Variants in DDX17 observed in about 807,000 individuals in gnomAD.
DDX17 encodes the protein DEAD-box helicase 17.
A neutral mutation model predicts 80.8 loss-of-function variants in DDX17; 10 were observed. That is an observed-to-expected ratio of 0.12 (90% confidence interval 0.08 to 0.21). The LOEUF is 0.21. DDX17 is among the 10% of genes least tolerant of loss of function. The probability of loss-of-function intolerance (pLI) is 1.00; values close to 1 mark genes in which losing one functional copy is unlikely to be tolerated. For synonymous variants in DDX17, 339 were observed against 336.2 expected (o/e 1.01, Z -0.09); for missense variants, 586 against 957.4 (o/e 0.61, Z 5.12).
In DDX17 at chr22:38,483,657, C is replaced by T. The variant is rs760834226; in HGVS notation, c.*2278G>A. ...ACTGATCCCAAGCAAAAGCCACTAA[C>T]CTTTTAGATGAGAAGTCCACACAAC... On this transcript the variant is annotated 3_prime_UTR_variant, in exon 13 of 13. Transcript: ENST00000403230. 9.2e-5 allele frequency: 14 copies of T among 152,696 alleles called. No individual in the cohort carries two copies. Among genetic ancestry groups the T allele is most frequent in the Admixed American group, 7.2e-4 (11 of 15,284 alleles). The allele number at this position is 152,696 out of a possible 1,614,324, so 9.5% of individuals were successfully genotyped here.
Position 38,494,006 on chromosome 22 carries a change from T to C in DDX17, c.1325+15A>G. 1 of 1,582,188 alleles carries C rather than the reference T, an allele frequency of 6.3e-7. No homozygotes were observed. Among genetic ancestry groups the C allele is most frequent in the African/African-American group, 1.4e-5 (1 of 73,828 alleles). On this transcript the variant is annotated intron_variant, in intron 9 of 12. Coordinates refer to ENST00000403230, the MANE Select transcript of DDX17 (RefSeq NM_006386.5). ...CTATAAAACCAGAGGTTAATTGCCT[T>C]GGTGCTATACTCACCCATCTCTGCG...
At chr22:38,495,750 GTAAAGTAAGA>G in intron 6 of DDX17, 36 bp downstream of exon 6, 3 of 1,404,690 alleles carry the variant, frequency 2.1e-6, no homozygotes, top group Non-Finnish European at 2.8e-6. Flanking sequence ...ACAGGAATTG[GTAAAGTAAGA>G]TAAACTAACA....
intron 11 of DDX17, chr22:38,490,211 C>A (rs1478688578): frequency 1.7e-6 from 2 of 1,206,896 alleles, no homozygotes; most frequent in African/African-American, 3.2e-5. Flanking sequence ...ATCTTGCTGC[C>A]TTTCTAGAAG....
At chr22:38,495,346 C>A (rs566456470) in intron 6 of DDX17, among the ~76,000 whole-genome samples, 2 of 149,808 alleles carry the variant, frequency 1.3e-5, no homozygotes, top group Admixed American at 1.3e-4. Flanking sequence ...CCCAGGTTCA[C>A]GCCATTCTCC....
At chr22:38,492,714 A>T (rs1421030378) in intron 10 of DDX17, among the ~76,000 whole-genome samples, 1 of 152,042 alleles carries the variant, frequency 6.6e-6, no homozygotes, top group African/African-American at 2.4e-5. Context: ...TCGAACTCCC[A>T]ACCTCAGGTG....
Position 38,485,192 on chromosome 22 carries a change from T to A in DDX17, c.*743A>T, listed in dbSNP as rs2145680827. The A allele has an allele frequency of 6.6e-6, 1 of 152,270 alleles. No individual in the cohort carries two copies. Among genetic ancestry groups the A allele is most frequent in the Middle Eastern group, 3.4e-3 (1 of 294 alleles). The allele number at this position is 152,270 out of a possible 1,614,324, so 9.4% of individuals were successfully genotyped here. On this transcript the variant is annotated 3_prime_UTR_variant, in exon 13 of 13. Transcript: ENST00000403230. Reference sequence around the variant, plus strand: ...ACCCAGATGCTGAGATGCTACAGTTTAACCACTACAATAAACACTTGTGGT... The same window carrying A: ...ACCCAGATGCTGAGATGCTACAGTTAAACCACTACAATAAACACTTGTGGT...
intron 2 of DDX17, 22 bp from the exon 3 acceptor site, chr22:38,499,521 A>C (rs1355815187): frequency 7.7e-7 from 1 of 1,297,086 alleles, no homozygotes; most frequent in East Asian, 2.4e-5. Context: ...AAATGAAAGA[A>C]GTTAGTAAAC....
chr22:38,493,880 T>G (rs767617150), intron 9 of DDX17, 109 bp from the exon 10 acceptor site: 26 of 1,264,224 alleles, frequency 2.1e-5, no homozygotes, highest in Non-Finnish European at 2.6e-5. Context: ...TCAGGCTTCA[T>G]GAATAGATGA....
Position 38,487,982 on chromosome 22 carries a change from T to C in DDX17, c.1581A>G (p.Leu527=), listed in dbSNP as rs369638680. Residue 527 remains leucine (L), a synonymous_variant, in exon 12 of 13, where the codon CTA becomes CTG. Coordinates refer to ENST00000403230, the MANE Select transcript of DDX17 (RefSeq NM_006386.5). ...CTTTGATAAGCTCTCTGGCCTGTTT[T>C]AGGTTCCCTGGGGTGAAGAAGGTAT... 1 of 1,614,222 alleles carries C rather than the reference T, an allele frequency of 6.2e-7. No individual in the cohort carries two copies. The highest frequency in any genetic ancestry group is 8.5e-7 in the Non-Finnish European group (1 of 1,180,034).
chr22:38,496,590 T>C (rs1405573374), intron 5 of DDX17, among the ~76,000 whole-genome samples: 1 of 152,176 alleles, frequency 6.6e-6, no homozygotes, highest in Non-Finnish European at 1.5e-5. Context: ...CTTCATGTGA[T>C]CTGCCCACTT....
At chr22:38,500,890 A>G (rs959815035) in intron 2 of DDX17, among the ~76,000 whole-genome samples, 2 of 148,926 alleles carry the variant, frequency 1.3e-5, no homozygotes, top group African/African-American at 2.5e-5. Flanking sequence ...TAGCACTTTG[A>G]AAAGCTGAGG....
chr22:38,501,845 G>A (rs1326740707), intron 1 of DDX17, among the ~76,000 whole-genome samples: 1 of 152,144 alleles, frequency 6.6e-6, no homozygotes, highest in African/African-American at 2.4e-5. Flanking sequence ...TGCTGTGCTG[G>A]AGTTACTAAA....
In DDX17 at chr22:38,489,999, T is replaced by G; in HGVS notation, c.1448-1884A>C. Reference sequence around the variant, plus strand: ...CCTAGCAGAAAGCACCAGGGTGGAGTCAACAGTTCACATGCTAATACTTGG... The same window carrying G: ...CCTAGCAGAAAGCACCAGGGTGGAGGCAACAGTTCACATGCTAATACTTGG... On this transcript the variant is annotated intron_variant, in intron 11 of 12. Transcript: ENST00000403230. This position sits in a 1 kb window ranked among gnomAD's most constrained non-coding sequence, Gnocchi z 4.6. 1 of 1,017,050 alleles carries G rather than the reference T, an allele frequency of 9.8e-7. No homozygotes were observed. The allele number at this position is 1,017,050 out of a possible 1,614,324, so 63.0% of individuals were successfully genotyped here. A position where few individuals can be genotyped will look rare whatever the true frequency, so the allele number is the denominator to read the frequency against.
chr22:38,505,815 C>G (rs2089876267), intron 1 of DDX17, 136 bp downstream of exon 1: 1 of 1,161,342 alleles, frequency 8.6e-7, no homozygotes, highest in South Asian at 1.5e-5. Context: ...CACGAAACCG[C>G]TGTCTCGCCT....
rs1053774939 is a variant in DDX17 at position 38,501,368 on chromosome 22, C to T, written c.288-88G>A. 1.5e-5 allele frequency: 22 copies of T among 1,424,856 alleles called. No individual in the cohort carries two copies. The African/African-American group carries it at 3.2e-4, about 21-fold the overall frequency. 88.3% of individuals were successfully genotyped at this position (1,424,856 alleles called of 1,614,324 possible). Reference sequence around the variant, plus strand: ...AAGAATATTCAAAAAGGATGGAGTTCTAGGGATACTACCAGCCTACCTCCA... The same window carrying T: ...AAGAATATTCAAAAAGGATGGAGTTTTAGGGATACTACCAGCCTACCTCCA... On this transcript the variant is annotated intron_variant, in intron 1 of 12. Transcript: ENST00000403230.
chr22:38,493,863 A>G, intron 9 of DDX17, 92 bp from the exon 10 acceptor site: 1 of 1,359,244 alleles, frequency 7.4e-7, no homozygotes, highest in South Asian at 1.2e-5. Flanking sequence ...AATTTTTGTA[A>G]GGTTTGTCAG....
intron 1 of DDX17, among the ~76,000 whole-genome samples, chr22:38,504,381 C>G (rs2089859431): frequency 6.6e-6 from 1 of 152,154 alleles, no homozygotes; most frequent in African/African-American, 2.4e-5. Context: ...GGTATATAAA[C>G]TTTTCTGTAC....
chr22:38,504,810 G>A (rs2089863837), intron 1 of DDX17, among the ~76,000 whole-genome samples: 1 of 151,856 alleles, frequency 6.6e-6, no homozygotes, highest in Admixed American at 6.6e-5. Flanking sequence ...CAAAGTAAAG[G>A]CAATTATCAC....
At chr22:38,486,485 C>A in intron 12 of DDX17, 45 bp from the exon 13 acceptor site, 1 of 1,498,772 alleles carries the variant, frequency 6.7e-7, no homozygotes, top group South Asian at 1.4e-5. Flanking sequence ...GATATAGGAC[C>A]TAAACATAAC....
Sources: gnomAD v4.1 joint callset for allele counts (sites outside exome capture counted in the v4.1 genomes callset) on GRCh38, gnomAD v4.1.1 for gene constraint, Gnocchi (gnomAD v3.1) non-coding constraint, MANE v1.5 for transcripts, NCBI Gene and HGNC (gene_info 2026-07-23, HGNC 2026-07-21) for gene names.